The following SMYD3 variants were observed in gnomAD, a reference collection of about 807,000 sequenced individuals.
The protein encoded by SMYD3 is histone-lysine N-methyltransferase SMYD3.
Under a neutral mutation model 57.7 loss-of-function variants are expected in SMYD3, and 36 were observed. The observed-to-expected ratio is 0.62, with a 90% CI of 0.48 to 0.82. The LOEUF (loss-of-function observed/expected upper bound fraction) is 0.82, where lower values mean the gene tolerates loss of function less well. Ranked by LOEUF, SMYD3 falls within the 40% of genes least tolerant of loss-of-function variation. The pLI, the probability that SMYD3 is intolerant of heterozygous loss-of-function variation, is 0.00. For missense variants in SMYD3, 515 were observed against 538.8 expected (o/e 0.96, Z 0.44); for synonymous variants, 211 against 195.0 (o/e 1.08, Z -0.68).
chr1:245,783,157 C>T (rs1040889142), intron 10 of SMYD3, among the ~76,000 whole-genome samples: 1 of 152,138 alleles, frequency 6.6e-6, no homozygotes, highest in Non-Finnish European at 1.5e-5. Flanking sequence ...TGAATACGGG[C>T]ATAAGCAGGT....
At chr1:246,141,594 A>G (rs979233901) in intron 5 of SMYD3, among the ~76,000 whole-genome samples, 10 of 152,226 alleles carry the variant, frequency 6.6e-5, no homozygotes, top group Admixed American at 2.6e-4. Flanking sequence ...ACAGTGTGCT[A>G]GAAACTGTGG....
chr1:246,253,362 C>T (rs1051190068), intron 5 of SMYD3, among the ~76,000 whole-genome samples: 3 of 152,202 alleles, frequency 2.0e-5, no homozygotes, highest in Non-Finnish European at 4.4e-5. Flanking sequence ...TAAGTGAGAA[C>T]ATGCGGTATT....
intron 5 of SMYD3, among the ~76,000 whole-genome samples, chr1:246,053,851 T>C (rs561406168): frequency 2.7e-4 from 41 of 151,804 alleles, no homozygotes; most frequent in African/African-American, 9.6e-4. Flanking sequence ...TAGAAAATAT[T>C]TGTGACTTTC....
chr1:245,925,514 T>C (rs927435914), intron 7 of SMYD3, among the ~76,000 whole-genome samples: 1 of 152,184 alleles, frequency 6.6e-6, no homozygotes. Context: ...ATTTTAGTTG[T>C]TGGGGGATGG....
intron 1 of SMYD3, among the ~76,000 whole-genome samples, chr1:246,385,150 A>G (rs931610394): frequency 2.0e-5 from 3 of 152,206 alleles, no homozygotes; most frequent in Non-Finnish European, 4.4e-5. Context: ...TTTTGTCTCC[A>G]GCATGTCTTT....
At chr1:245,776,469 A>G (rs879318292) in intron 10 of SMYD3, among the ~76,000 whole-genome samples, 1 of 152,252 alleles carries the variant, frequency 6.6e-6, no homozygotes, top group Admixed American at 6.5e-5. Context: ...TAGAAGATGA[A>G]ATATAGTTTG....
At chr1:246,376,015 C>T (rs928317887) in intron 1 of SMYD3, among the ~76,000 whole-genome samples, 12 of 152,044 alleles carry the variant, frequency 7.9e-5, no homozygotes, top group African/African-American at 2.9e-4. Flanking sequence ...CAGGCATCAG[C>T]CACCACACTT....
At chr1:246,098,539 A>T (rs931692063) in intron 5 of SMYD3, among the ~76,000 whole-genome samples, 1 of 152,184 alleles carries the variant, frequency 6.6e-6, no homozygotes, top group Non-Finnish European at 1.5e-5. Flanking sequence ...CTTTTTTCAA[A>T]TTTCCCTGGA....
intron 11 of SMYD3, among the ~76,000 whole-genome samples, chr1:245,753,602 G>A (rs1168789105): frequency 1.5e-5 from 2 of 131,402 alleles, no homozygotes; most frequent in Non-Finnish European, 3.5e-5. Context: ...GTGGCCCTGG[G>A]CACAGCCCTT....
chr1:245,991,484 G>A (rs188970232), intron 5 of SMYD3, among the ~76,000 whole-genome samples: 2 of 152,326 alleles, frequency 1.3e-5, no homozygotes, highest in Admixed American at 6.5e-5. Flanking sequence ...CCATGGTTCC[G>A]CCTCAGGGTG....
rs75313091 is a variant in SMYD3, at chr1:246,096,711, T to A, written c.532-166774A>T. On this transcript the variant is annotated intron_variant, in intron 5 of 11. Transcript: ENST00000490107. ...ATGAAAAAGATACCAGAACTAACTT[T>A]TGTTGAATAAAAGGATTCACGGTTC... Among the ~76,000 whole-genome samples, 248 of 152,318 alleles carry A rather than the reference T, an allele frequency of 1.6e-3. 1 individual carries two copies. The highest frequency in any genetic ancestry group is 5.9e-3 in the African/African-American group (244 of 41,558).
chr1:245,757,996 A>C (rs1361112826), intron 11 of SMYD3, among the ~76,000 whole-genome samples: 1 of 152,158 alleles, frequency 6.6e-6, no homozygotes, highest in Non-Finnish European at 1.5e-5. Flanking sequence ...GATTGCATTG[A>C]ATCTGAAGAT....
intron 8 of SMYD3, among the ~76,000 whole-genome samples, chr1:245,874,684 ATTACT>A (rs1039827375): frequency 2.6e-5 from 4 of 152,222 alleles, no homozygotes; most frequent in African/African-American, 7.2e-5. Flanking sequence ...AGGGAAAGAA[ATTACT>A]TTAATCTCTC....
chr1:246,099,383 A>G (rs1422504397), intron 5 of SMYD3, among the ~76,000 whole-genome samples: 1 of 152,152 alleles, frequency 6.6e-6, no homozygotes, highest in African/African-American at 2.4e-5. Context: ...AAGTAGAACT[A>G]TGTCCTCAAT....
chr1:246,262,368 T>G (rs12753925), intron 5 of SMYD3, among the ~76,000 whole-genome samples: 12,901 of 152,278 alleles, frequency 0.085, 730 homozygotes, highest in East Asian at 0.21. Context: ...TTTTTCGCAC[T>G]ATGACTAACA....
chr1:245,794,493 T>C (rs1361759227), intron 10 of SMYD3, among the ~76,000 whole-genome samples: 1 of 152,230 alleles, frequency 6.6e-6, no homozygotes, highest in Admixed American at 6.5e-5. Flanking sequence ...GATTCACTAG[T>C]GTGTGTGTAT....
chr1:245,841,495 T>C (rs1211076939), intron 10 of SMYD3, among the ~76,000 whole-genome samples: 1 of 152,234 alleles, frequency 6.6e-6, no homozygotes, highest in Non-Finnish European at 1.5e-5. Flanking sequence ...TTAAGTTAAA[T>C]GTAAATTCAA....
intron 10 of SMYD3, among the ~76,000 whole-genome samples, chr1:245,834,138 G>C (rs1254139687): frequency 6.6e-6 from 1 of 152,184 alleles, no homozygotes; most frequent in East Asian, 1.9e-4. Flanking sequence ...TGAGCCAGCT[G>C]AATCTGCTTT....
chr1:246,028,694 T>C (rs1363662864), intron 5 of SMYD3, among the ~76,000 whole-genome samples: 1 of 152,162 alleles, frequency 6.6e-6, no homozygotes, highest in Non-Finnish European at 1.5e-5. Flanking sequence ...CCTGTCAAAA[T>C]ACCAAACCAC....
Sources: allele counts gnomAD v4.1 joint callset (sites outside exome capture counted in the v4.1 genomes callset), GRCh38; gene constraint gnomAD v4.1.1; transcripts MANE v1.5; gene names NCBI Gene and HGNC (gene_info 2026-07-23, HGNC 2026-07-21).